POM121C: variants seen among roughly 807,000 people sequenced by gnomAD.
The protein encoded by POM121C is POM121 transmembrane nucleoporin C, also known as nuclear envelope pore membrane protein POM 121C.
In POM121C, 20 loss-of-function variants were observed where a neutral mutation model predicts 66.4. The ratio of observed to expected loss-of-function variants is 0.30; its 90% confidence interval spans 0.21 to 0.44. POM121C has a LOEUF of 0.44. POM121C is among the 20% of genes least tolerant of loss of function. The probability of loss-of-function intolerance (pLI) is 1.00; values close to 1 mark genes in which losing one functional copy is unlikely to be tolerated. For missense variants in POM121C, 580 were observed against 1,225.7 expected, an observed-to-expected ratio of 0.47 and a Z score of 7.87; for synonymous variants, 286 against 528.0, an observed-to-expected ratio of 0.54 and a Z score of 6.28.
At chr7:75,474,093 A>G (rs1488934350) in intron 3 of POM121C, among the ~76,000 whole-genome samples, 2 of 152,186 alleles carry the variant, frequency 1.3e-5, no homozygotes, top group African/African-American at 2.4e-5. Flanking sequence ...GAATGCCCCA[A>G]AATGAAACAA....
At chr7:75,452,752 G>C (rs1276763939) in intron 3 of POM121C, among the ~76,000 whole-genome samples, 1 of 152,210 alleles carries the variant, frequency 6.6e-6, no homozygotes, top group Non-Finnish European at 1.5e-5. Flanking sequence ...ATTCTCTCAA[G>C]ACTGTTGCTA....
chr7:75,421,044 C>T lies in POM121C; in HGVS notation c.2743+465G>A, dbSNP rs28474813. On this transcript the variant is annotated intron_variant, in intron 13 of 14. Transcript: ENST00000615331. ...CCAGAGTACAGTGTGGCATGATCTT[C>T]GCTCACTGCCACCTCCACCTCCTGG... 4.0e-5 allele frequency: 11 copies of T among 273,076 alleles called. 1 individual carries two copies. The highest frequency in any genetic ancestry group is 1.9e-4 in the African/African-American group (8 of 42,486). 16.9% of individuals were successfully genotyped at this position (273,076 alleles called of 1,614,324 possible).
intron 3 of POM121C, among the ~76,000 whole-genome samples, chr7:75,472,538 G>C (rs1554478800): frequency 6.6e-6 from 1 of 151,930 alleles, no homozygotes; most frequent in African/African-American, 2.4e-5. Context: ...TGGGCACAGT[G>C]GCTCAGGCCT....
chr7:75,431,603 CAAAAAAAAAAAAAAAA>C (rs71098029), intron 7 of POM121C, among the ~76,000 whole-genome samples: 6 of 50,756 alleles, frequency 1.2e-4, no homozygotes, highest in African/African-American at 5.5e-4. Context: ...AACTCCGTCT[CAAAAAAAAAAAAAAAA>C]AAAAAAAAAG....
At position 75,416,873 on chromosome 7, in the gene POM121C, G is replaced by A; in HGVS notation, c.*1923C>T. The A allele has an allele frequency of 6.9e-7, 1 of 1,440,816 alleles. No homozygotes were observed. Among genetic ancestry groups the A allele is most frequent in the Non-Finnish European group, 9.1e-7 (1 of 1,101,168 alleles). 89.3% of individuals were successfully genotyped at this position (1,440,816 alleles called of 1,614,324 possible). On this transcript the variant is annotated 3_prime_UTR_variant, in exon 15 of 15. Transcript: ENST00000615331. ...CTAAAAATTCCAACTAGACTCAACA[G>A]GAATGAAGTCTCTATTTGTAATGGA...
chr7:75,451,202 G>A (rs1292455644), intron 3 of POM121C, among the ~76,000 whole-genome samples: 2 of 152,184 alleles, frequency 1.3e-5, no homozygotes, highest in East Asian at 3.9e-4. Flanking sequence ...AACCAAAAAC[G>A]AGCCCATATA....
chr7:75,463,449 CTTTTTTT>C (rs1191010098), intron 3 of POM121C, among the ~76,000 whole-genome samples: 26 of 120,772 alleles, frequency 2.2e-4, no homozygotes, highest in South Asian at 5.4e-4. Flanking sequence ...CTGGGTTTTT[CTTTTTTT>C]TTTTTTTTTT....
chr7:75,440,680 G>C, intron 5 of POM121C: 1 of 512,576 alleles, frequency 2.0e-6, no homozygotes, highest in South Asian at 2.4e-5. Flanking sequence ...CTTTTAACAC[G>C]TTTCTACAGA....
intron 7 of POM121C, among the ~76,000 whole-genome samples, chr7:75,432,232 G>A (rs1246340482): frequency 1.3e-5 from 2 of 148,640 alleles, no homozygotes; most frequent in Admixed American, 6.7e-5. Flanking sequence ...AAAAGTGAAC[G>A]TACAAATACT....
At chr7:75,478,643 C>A (rs1194448222) in intron 1 of POM121C, among the ~76,000 whole-genome samples, 3 of 151,330 alleles carry the variant, frequency 2.0e-5, no homozygotes, top group Admixed American at 1.3e-4. Context: ...GAAAATTATA[C>A]TGGAAAAGAT....
chr7:75,471,214 T>G (rs1443417910), intron 3 of POM121C, among the ~76,000 whole-genome samples: 1 of 152,084 alleles, frequency 6.6e-6, no homozygotes, highest in Non-Finnish European at 1.5e-5. Context: ...ATAGATTGAT[T>G]GATTTATTCA....
intron 13 of POM121C, chr7:75,420,896 T>C (rs1323232596): frequency 1.2e-5 from 2 of 160,180 alleles, no homozygotes; most frequent in Non-Finnish European, 2.8e-5. Context: ...AACATGTTTC[T>C]GCCTCTGGGC....
At chr7:75,447,039 T>G (rs1260267506) in intron 3 of POM121C, among the ~76,000 whole-genome samples, 9 of 76,836 alleles carry the variant, frequency 1.2e-4, no homozygotes, top group African/African-American at 3.5e-4. Context: ...AAAAAAAAAA[T>G]GACCATTACT....
intron 1 of POM121C, among the ~76,000 whole-genome samples, chr7:75,482,844 A>C (rs58145950): frequency 0.072 from 10,903 of 151,732 alleles, 505 homozygotes; most frequent in Non-Finnish European, 0.1. Context: ...GACAAAGGGT[A>C]CTGTGAGGAA....
At position 75,418,554 on chromosome 7, in the gene POM121C, T is replaced by G; in HGVS notation, c.*242A>C. ...GTCCTTAGTTCTCCAGCCTCCCCAG[T>G]GGAACTGTTCAAGTAGAGGTCCCGG... On this transcript the variant is annotated 3_prime_UTR_variant, in exon 15 of 15. Coordinates refer to ENST00000615331, the MANE Select transcript of POM121C (RefSeq NM_001099415.3). 2 of 1,312,542 alleles carry G rather than the reference T, an allele frequency of 1.5e-6. No homozygotes were observed. The highest frequency in any genetic ancestry group is 1.9e-6 in the Non-Finnish European group (2 of 1,029,614). 81.3% of individuals were successfully genotyped at this position (1,312,542 alleles called of 1,614,324 possible). A position where few individuals can be genotyped will look rare whatever the true frequency, so the allele number is the denominator to read the frequency against.
Position 75,424,002 on chromosome 7 carries a change from G to A in POM121C, c.1048+47C>T, listed in dbSNP as rs587604593. 2.9e-5 allele frequency: 47 copies of A among 1,596,350 alleles called. No individual in the cohort carries two copies. In the African/African-American group the frequency reaches 3.5e-4, roughly 12 times the overall value. On this transcript the variant is annotated intron_variant, in intron 12 of 14. Coordinates refer to ENST00000615331, the MANE Select transcript of POM121C (RefSeq NM_001099415.3). ...CGACGCCCTTATTCCAACCCAAGCC[G>A]GGGATGCTGCTCAGAAGGCTGGATC...
rs1359769027 is a variant in POM121C at position 75,459,211 on chromosome 7, G to GA, written c.-152+15492dup. Among the ~76,000 whole-genome samples, 729 of 150,322 alleles carry GA rather than the reference G, an allele frequency of 4.8e-3. 3 individuals carry two copies. The highest frequency in any genetic ancestry group is 0.015 in the African/African-American group (614 of 41,098). The stretch of plus-strand genomic sequence containing the variant: ...TTGACCAACAGAGAGAAAACAAATA[G>GA]AAAAAAAAACTGAACAATGAGACAA... On this transcript the variant is annotated intron_variant, in intron 3 of 14. Transcript: ENST00000615331.
At chr7:75,441,236 T>G (rs1156741822) in intron 4 of POM121C, 121 bp from the exon 5 acceptor site, 4 of 1,477,630 alleles carry the variant, frequency 2.7e-6, no homozygotes. Flanking sequence ...ACAGTTCCCC[T>G]TAGCAAGTAA....
intron 3 of POM121C, among the ~76,000 whole-genome samples, chr7:75,444,571 AG>A: frequency 9.3e-6 from 1 of 107,634 alleles, no homozygotes; most frequent in Non-Finnish European, 2.2e-5. Flanking sequence ...GTAAATAGAG[AG>A]GTCCATAGCC....
Sources: gnomAD v4.1 joint callset for allele counts (sites outside exome capture counted in the v4.1 genomes callset) on GRCh38, gnomAD v4.1.1 for gene constraint, MANE v1.5 for transcripts, NCBI Gene and HGNC (gene_info 2026-07-23, HGNC 2026-07-21) for gene names.